The following KANSL1L variants were observed in gnomAD, a reference collection of about 807,000 sequenced individuals.
The protein encoded by KANSL1L is KAT8 regulatory NSL complex subunit 1-like protein.
KANSL1L carries 25 observed loss-of-function variants against 108.6 expected under a neutral mutation model. The ratio of observed to expected loss-of-function variants is 0.23; its 90% CI spans 0.17 to 0.32. KANSL1L has a LOEUF of 0.32. Among genes scored for constraint, KANSL1L ranks in the 10% least tolerant of loss-of-function variants. KANSL1L has a pLI of 1.00. For synonymous variants in KANSL1L, 405 were observed against 395.1 expected (o/e 1.03, Z -0.30); for missense variants, 1,137 against 1,125.7 (o/e 1.01, Z -0.14).
At chr2:210,170,433 G>A (rs962403284) in intron 1 of KANSL1L, 6 of 970,794 alleles carry the variant, frequency 6.2e-6, no homozygotes, top group Non-Finnish European at 7.3e-6. Context: ...CGACTGCAAA[G>A]CCAGCCTCTT....
intron 5 of KANSL1L, among the ~76,000 whole-genome samples, chr2:210,094,419 C>T (rs2094718350): frequency 6.6e-6 from 1 of 151,962 alleles, no homozygotes; most frequent in South Asian, 2.1e-4. Context: ...ACCTTTGAAT[C>T]TGAAAGATGT....
intron 3 of KANSL1L, among the ~76,000 whole-genome samples, chr2:210,115,980 A>C (rs1200273048): frequency 6.6e-5 from 10 of 152,298 alleles, no homozygotes; most frequent in African/African-American, 2.4e-4. Context: ...TAAAAGTCAG[A>C]TTGGTTACCA....
chr2:210,038,347 C>T (rs558358315), intron 8 of KANSL1L, among the ~76,000 whole-genome samples: 4 of 151,878 alleles, frequency 2.6e-5, no homozygotes, highest in African/African-American at 7.2e-5. Flanking sequence ...TAAAAAAATA[C>T]GTAGTTTAAA....
chr2:210,103,151 G>A (rs557466430), intron 4 of KANSL1L, among the ~76,000 whole-genome samples: 1 of 152,292 alleles, frequency 6.6e-6, no homozygotes, highest in Admixed American at 6.5e-5. Context: ...AAAAGGATGA[G>A]TTCATGTCCT....
chr2:210,075,498 A>T, intron 6 of KANSL1L, 54 bp downstream of exon 6: 1 of 1,177,374 alleles, frequency 8.5e-7, no homozygotes, highest in Non-Finnish European at 1.3e-6. Flanking sequence ...CTCATGCATG[A>T]AATATGCTGA....
intron 1 of KANSL1L, among the ~76,000 whole-genome samples, chr2:210,164,569 A>T (rs2095377109): frequency 6.6e-6 from 1 of 152,162 alleles, no homozygotes; most frequent in Non-Finnish European, 1.5e-5. Flanking sequence ...ACTTAGGAAC[A>T]AGAGGTCCCT....
intron 6 of KANSL1L, among the ~76,000 whole-genome samples, chr2:210,057,109 A>T (rs1480265571): frequency 6.6e-6 from 1 of 152,130 alleles, no homozygotes; most frequent in Non-Finnish European, 1.5e-5. Flanking sequence ...TATGTTGTTT[A>T]AGATCTGGTG....
chr2:210,135,048 C>T (rs2095161402), intron 2 of KANSL1L, among the ~76,000 whole-genome samples: 1 of 152,176 alleles, frequency 6.6e-6, no homozygotes, highest in Non-Finnish European at 1.5e-5. Flanking sequence ...CAAGACCTTA[C>T]TCCACTGCCA....
intron 2 of KANSL1L, among the ~76,000 whole-genome samples, chr2:210,139,934 G>T (rs2125586465): frequency 6.6e-6 from 1 of 152,032 alleles, no homozygotes; most frequent in South Asian, 2.1e-4. Context: ...GTAAAGACAA[G>T]GTTTTGACAT....
Position 210,024,142 on chromosome 2 carries a change from A to T in KANSL1L, c.2624T>A (p.Phe875Tyr). ...AGCAGCACATTGCTGACTGCTACTGAAGTTATTAGGGTATTCTTTCAAAAG... is the reference window on the plus strand; with the variant it reads ...AGCAGCACATTGCTGACTGCTACTGTAGTTATTAGGGTATTCTTTCAAAAG... ...DLLLKEYPNNFSSSQQCAAAS... is the reference protein window; with the variant it reads ...DLLLKEYPNNYSSSQQCAAAS... The change falls in exon 14 of 15, where the codon TTC becomes TAC. Residue 875 changes from phenylalanine (F) to tyrosine (Y), a missense_variant. This residue lies in a region of KANSL1L where 575 missense variants were observed against 567.1 expected (regional missense o/e 1.01). Coordinates refer to ENST00000281772, the MANE Select transcript of KANSL1L (RefSeq NM_152519.4). 1 of 1,610,880 alleles carries T rather than the reference A, an allele frequency of 6.2e-7. No individual in the cohort carries two copies. Among genetic ancestry groups the T allele is most frequent in the Non-Finnish European group, 8.5e-7 (1 of 1,178,352 alleles).
chr2:210,127,402 G>A (rs2095076114), intron 3 of KANSL1L, among the ~76,000 whole-genome samples: 1 of 152,112 alleles, frequency 6.6e-6, no homozygotes, highest in African/African-American at 2.4e-5. Flanking sequence ...TCTTAGCTAT[G>A]ACACCAAAGG....
chr2:210,118,000 C>G (rs1204023919), intron 3 of KANSL1L, among the ~76,000 whole-genome samples: 1 of 151,340 alleles, frequency 6.6e-6, no homozygotes, highest in East Asian at 1.9e-4. Context: ...CCCGTCTCTA[C>G]TAAAAATACA....
At chr2:210,092,719 G>C (rs1006294957) in intron 5 of KANSL1L, among the ~76,000 whole-genome samples, 5 of 152,046 alleles carry the variant, frequency 3.3e-5, no homozygotes, top group African/African-American at 1.2e-4. Context: ...TTGCCTGTTT[G>C]TTAATCCCTG....
chr2:210,027,157 C>T (rs568072153), intron 12 of KANSL1L, 139 bp downstream of exon 12: 52 of 569,998 alleles, frequency 9.1e-5, no homozygotes, highest in Middle Eastern at 8.7e-4. Flanking sequence ...TTTAAAAGAA[C>T]TTCCTTTTCA....
In KANSL1L at chr2:210,025,106, G is replaced by A; in HGVS notation, c.2562C>T (p.Ser854=). The change falls in exon 13 of 15, where the codon AGC becomes AGT. Residue 854 remains serine, a splice_region_variant and synonymous_variant. Coordinates refer to ENST00000281772, the MANE Select transcript of KANSL1L (RefSeq NM_152519.4). ...GGGGTTTTAAATTTGTAACCTGCCT[G>A]CTGTTTCTTCTGTGCCACTTGCTTT... ...WEQSKWHRRN[S]RAYSKNVEGQ... 1 of 1,589,208 alleles carries A rather than the reference G, an allele frequency of 6.3e-7. No individual in the cohort carries two copies. The highest frequency in any genetic ancestry group is 8.6e-7 in the Non-Finnish European group (1 of 1,157,414).
intron 5 of KANSL1L, among the ~76,000 whole-genome samples, chr2:210,090,425 C>A (rs1250177241): frequency 6.6e-6 from 1 of 152,072 alleles, no homozygotes; most frequent in Non-Finnish European, 1.5e-5. Flanking sequence ...TGGGTTAAGA[C>A]TATAAATTTT....
intron 1 of KANSL1L, chr2:210,170,290 A>G (rs1688257689): frequency 2.3e-6 from 2 of 883,572 alleles, no homozygotes; most frequent in Admixed American, 6.2e-5. Flanking sequence ...CCTCGCCAGA[A>G]CATGAATGTC....
At chr2:210,144,398 A>G (rs1395814292) in intron 2 of KANSL1L, among the ~76,000 whole-genome samples, 1 of 152,142 alleles carries the variant, frequency 6.6e-6, no homozygotes, top group Admixed American at 6.6e-5. Context: ...CTTTAAAAAT[A>G]CTTTCTACCC....
At chr2:210,084,147 C>T (rs554736738) in intron 5 of KANSL1L, among the ~76,000 whole-genome samples, 7 of 152,138 alleles carry the variant, frequency 4.6e-5, no homozygotes, top group Admixed American at 3.3e-4. Flanking sequence ...TAAGGCTGGG[C>T]GCAGTGGCTC....
Sources: gnomAD v4.1 joint callset for allele counts (sites outside exome capture counted in the v4.1 genomes callset) on GRCh38, gnomAD v4.1.1 for gene constraint, gnomAD v4.1.1 regional missense constraint, MANE v1.5 for transcripts, NCBI Gene and HGNC (gene_info 2026-07-23, HGNC 2026-07-21) for gene names.